The following FOXN3 variants were observed in gnomAD, a reference collection of about 807,000 sequenced individuals.
FOXN3 encodes the protein forkhead box protein N3.
FOXN3 carries 7 observed loss-of-function variants against 38.4 expected under a neutral mutation model. The ratio of observed to expected loss-of-function variants is 0.18; its 90% confidence interval spans 0.10 to 0.34. FOXN3 has a LOEUF of 0.34. Among genes scored for constraint, FOXN3 ranks in the 10% least tolerant of loss-of-function variants. The pLI is 1.00. For missense variants in FOXN3, 456 were observed against 613.4 expected (o/e 0.74, Z 2.71); for synonymous variants, 230 against 242.2 (o/e 0.95, Z 0.47).
intron 4 of FOXN3, among the ~76,000 whole-genome samples, chr14:89,268,462 C>T (rs887649707): frequency 2.0e-5 from 3 of 152,172 alleles, no homozygotes; most frequent in African/African-American, 7.2e-5. Context: ...TAATTAGAAA[C>T]ACTGTATTCA....
intron 4 of FOXN3, among the ~76,000 whole-genome samples, chr14:89,194,250 C>T (rs975003244): frequency 6.6e-6 from 1 of 152,066 alleles, no homozygotes; most frequent in African/African-American, 2.4e-5. Flanking sequence ...TCTTAGCCTA[C>T]CCTAAAATTG....
intron 4 of FOXN3, among the ~76,000 whole-genome samples, chr14:89,187,694 C>T (rs1212163305): frequency 1.3e-5 from 2 of 152,112 alleles, no homozygotes; most frequent in African/African-American, 4.8e-5. Flanking sequence ...GTAGGGGGCA[C>T]GGAGAAAGAG....
intron 2 of FOXN3, among the ~76,000 whole-genome samples, chr14:89,360,708 T>TCCA (rs1889454593): frequency 7.0e-6 from 1 of 143,848 alleles, no homozygotes; most frequent in African/African-American, 2.7e-5. Flanking sequence ...TACCACCACC[T>TCCA]CCAGCACTAC....
intron 3 of FOXN3, among the ~76,000 whole-genome samples, chr14:89,310,296 C>A (rs2139958038): frequency 6.6e-6 from 1 of 152,314 alleles, no homozygotes; most frequent in South Asian, 2.1e-4. Flanking sequence ...GGGCAGCCAT[C>A]CTGCCTCCAC....
intron 1 of FOXN3, among the ~76,000 whole-genome samples, chr14:89,441,188 T>C (rs986946850): frequency 2.6e-5 from 4 of 152,244 alleles, no homozygotes; most frequent in Admixed American, 2.0e-4. Flanking sequence ...TGCTGGGCCC[T>C]TTCCCTCCTC....
intron 3 of FOXN3, among the ~76,000 whole-genome samples, chr14:89,286,594 C>T (rs1035483613): frequency 2.0e-5 from 3 of 152,170 alleles, no homozygotes; most frequent in Non-Finnish European, 4.4e-5. Context: ...AAACAGTCAA[C>T]GCAGTTGTAA....
At chr14:89,390,237 A>T (rs904081076) in intron 2 of FOXN3, among the ~76,000 whole-genome samples, 2 of 146,730 alleles carry the variant, frequency 1.4e-5, no homozygotes, top group Non-Finnish European at 1.5e-5. Context: ...AAAAAAAAAA[A>T]ATATGCACTG....
At chr14:89,401,474 T>A (rs147869850) in intron 2 of FOXN3, 652 of 421,654 alleles carry the variant, frequency 1.5e-3, no homozygotes, top group Non-Finnish European at 2.4e-3. Context: ...CTCAGAACCA[T>A]AGCTGCAAAC....
At position 89,413,010 on chromosome 14, in the gene FOXN3, T is replaced by C. The variant is rs189679010; in HGVS notation, c.-14-520A>G. Among the ~76,000 whole-genome samples, 660 of 152,214 alleles carry C rather than the reference T, an allele frequency of 4.3e-3. 5 individuals are homozygous for C. The highest frequency in any genetic ancestry group is 3.3e-3 in the Non-Finnish European group (224 of 68,012). On this transcript the variant is annotated intron_variant, in intron 1 of 5. Transcript: ENST00000557258. ...GCCAGTTTCAAGACAGCAAATTCAATTCAATTCAACAAAACATGCCATAGA... is the reference window on the plus strand; with the variant it reads ...GCCAGTTTCAAGACAGCAAATTCAACTCAATTCAACAAAACATGCCATAGA...
chr14:89,501,361 G>A (rs553458453), intron 1 of FOXN3, among the ~76,000 whole-genome samples: 45 of 152,158 alleles, frequency 3.0e-4, no homozygotes, highest in Non-Finnish European at 5.1e-4. Context: ...AGCAGCTCAC[G>A]ATGGCGGGCA....
chr14:89,325,350 C>CACTACCACT (rs757710207), intron 3 of FOXN3, among the ~76,000 whole-genome samples: 3 of 144,614 alleles, frequency 2.1e-5, no homozygotes, highest in Non-Finnish European at 4.6e-5. Context: ...CCACCACCAC[C>CACTACCACT]ACCACCACCA....
intron 4 of FOXN3, among the ~76,000 whole-genome samples, chr14:89,231,223 AG>A (rs1198452445): frequency 6.6e-6 from 1 of 152,212 alleles, no homozygotes; most frequent in Non-Finnish European, 1.5e-5. Flanking sequence ...GAAAAAAAAA[AG>A]TATCTGTTCG....
At chr14:89,594,171 T>A (rs549513750) in intron 1 of FOXN3, among the ~76,000 whole-genome samples, 1 of 152,244 alleles carries the variant, frequency 6.6e-6, no homozygotes, top group African/African-American at 2.4e-5. Flanking sequence ...CTATGAACAT[T>A]TCTATCCATA....
intron 1 of FOXN3, among the ~76,000 whole-genome samples, chr14:89,517,492 C>A (rs1050546835): frequency 3.3e-5 from 5 of 151,670 alleles, no homozygotes; most frequent in African/African-American, 4.8e-5. Context: ...GCTCATTGTA[C>A]ATGGCAGAAG....
chr14:89,583,583 T>C (rs1302986955), intron 1 of FOXN3, among the ~76,000 whole-genome samples: 1 of 152,138 alleles, frequency 6.6e-6, no homozygotes, highest in Admixed American at 6.5e-5. Flanking sequence ...TTTTTTGAAA[T>C]GGAGTCTCAC....
At chr14:89,264,726 C>T (rs1885917823) in intron 4 of FOXN3, among the ~76,000 whole-genome samples, 1 of 152,214 alleles carries the variant, frequency 6.6e-6, no homozygotes, top group Non-Finnish European at 1.5e-5. Flanking sequence ...GGACGCTACT[C>T]AGTTTCCACA....
chr14:89,521,726 CA>C (rs201803613), intron 1 of FOXN3, among the ~76,000 whole-genome samples: 2 of 151,318 alleles, frequency 1.3e-5, no homozygotes, highest in Admixed American at 1.3e-4. Flanking sequence ...GTCAAACTTC[CA>C]AAAAAAATTA....
At chr14:89,270,839 G>C (rs948681315) in intron 4 of FOXN3, among the ~76,000 whole-genome samples, 12 of 152,176 alleles carry the variant, frequency 7.9e-5, no homozygotes, top group African/African-American at 2.4e-5. Flanking sequence ...GAAGCAAGGT[G>C]TGGAATGGAC....
chr14:89,260,210 A>T (rs1885753565), intron 4 of FOXN3, among the ~76,000 whole-genome samples: 1 of 152,236 alleles, frequency 6.6e-6, no homozygotes, highest in Non-Finnish European at 1.5e-5. Context: ...GCTCCTCCAT[A>T]GTTTTAATCT....
Sources: allele counts gnomAD v4.1 joint callset (sites outside exome capture counted in the v4.1 genomes callset), GRCh38; gene constraint gnomAD v4.1.1; transcripts MANE v1.5; gene names NCBI Gene and HGNC (gene_info 2026-07-23, HGNC 2026-07-21).